Variants in MAD1L1 observed in about 807,000 individuals in gnomAD.
MAD1L1 encodes mitotic spindle assembly checkpoint protein MAD1.
MAD1L1 carries 95 observed loss-of-function variants against 96.9 expected under a neutral mutation model. The ratio of observed to expected loss-of-function variants is 0.98; its 90% confidence interval spans 0.83 to 1.16. The LOEUF is 1.16. Among genes scored for constraint, MAD1L1 ranks in the 50% most tolerant of loss-of-function variants. The probability of loss-of-function intolerance (pLI) is 0.00; values close to 1 mark genes in which losing one functional copy is unlikely to be tolerated. For synonymous variants in MAD1L1, 473 were observed against 396.6 expected (o/e 1.19, Z -2.29); for missense variants, 1,007 against 954.4 (o/e 1.06, Z -0.73).
chr7:2,179,157 C>T (rs1358606526), intron 10 of MAD1L1, among the ~76,000 whole-genome samples: 1 of 152,188 alleles, frequency 6.6e-6, no homozygotes, highest in Non-Finnish European at 1.5e-5. Flanking sequence ...AATCAGGTGG[C>T]TCTCAAGAAG....
rs1790185480 is a variant in MAD1L1 at position 2,162,220 on chromosome 7, A to G, written c.987-12982T>C. 2.6e-5 allele frequency among the ~76,000 whole-genome samples: 4 copies of G among 152,360 alleles called. No homozygotes were observed. In the South Asian group the frequency reaches 8.3e-4, roughly 32 times the overall value. On this transcript the variant is annotated intron_variant, in intron 10 of 18. Coordinates refer to ENST00000265854, the MANE Select transcript of MAD1L1 (RefSeq NM_001013836.2). ...CTGTGTAGAAAGAAGTAGACATGGG[A>G]GACTCCATTTTGTTCTGTACTAAGA...
chr7:1,885,863 A>C (rs1268220984), intron 18 of MAD1L1, among the ~76,000 whole-genome samples: 1 of 152,192 alleles, frequency 6.6e-6, no homozygotes, highest in African/African-American at 2.4e-5. Flanking sequence ...AGGAATGAGG[A>C]AAATGGAGCA....
At chr7:2,022,736 A>C (rs771977982) in intron 12 of MAD1L1, among the ~76,000 whole-genome samples, 5 of 152,336 alleles carry the variant, frequency 3.3e-5, no homozygotes, top group Admixed American at 1.3e-4. Flanking sequence ...TTCGAATGTG[A>C]ATGATCTAAA....
chr7:2,229,946 C>T (rs1794108891), intron 3 of MAD1L1, 38 bp downstream of exon 3: 3 of 1,606,574 alleles, frequency 1.9e-6, no homozygotes, highest in Non-Finnish European at 2.5e-6. Flanking sequence ...CCCAGGGTCT[C>T]CCCAGAGCAG....
chr7:2,229,916 TGGA>T (rs1794106632), intron 3 of MAD1L1, 65 bp downstream of exon 3: 8 of 1,544,262 alleles, frequency 5.2e-6, no homozygotes, highest in Non-Finnish European at 7.0e-6. Flanking sequence ...TACAGAAGAC[TGGA>T]AGAGGTCCTG....
chr7:2,030,038 G>A (rs539281633), intron 12 of MAD1L1, among the ~76,000 whole-genome samples: 208 of 152,284 alleles, frequency 1.4e-3, no homozygotes, highest in African/African-American at 4.4e-3. Context: ...TGTGGACACC[G>A]GGCTCACCAC....
chr7:1,895,329 T>G (rs893074866), intron 18 of MAD1L1, among the ~76,000 whole-genome samples: 1 of 152,100 alleles, frequency 6.6e-6, no homozygotes, highest in Non-Finnish European at 1.5e-5. Context: ...GTACCTGCTT[T>G]ACAGATGAGG....
At chr7:1,855,234 C>T (rs529778779) in intron 18 of MAD1L1, among the ~76,000 whole-genome samples, 3 of 152,236 alleles carry the variant, frequency 2.0e-5, no homozygotes, top group South Asian at 2.1e-4. Context: ...GCCGCAGTGG[C>T]AGACGGGGCC....
intron 14 of MAD1L1, among the ~76,000 whole-genome samples, chr7:1,996,511 G>A (rs1781569641): frequency 6.6e-6 from 1 of 152,244 alleles, no homozygotes; most frequent in African/African-American, 2.4e-5. Context: ...CACGGGACCT[G>A]CCCTGCTCAC....
chr7:2,214,925 T>G (rs956250034), intron 9 of MAD1L1, among the ~76,000 whole-genome samples: 1 of 152,062 alleles, frequency 6.6e-6, no homozygotes, highest in Non-Finnish European at 1.5e-5. Flanking sequence ...CACCACAAAC[T>G]AAGTGGCTTC....
intron 6 of MAD1L1, among the ~76,000 whole-genome samples, chr7:2,218,444 A>G (rs1793410588): frequency 6.6e-6 from 1 of 152,208 alleles, no homozygotes. Context: ...GAACTCTCCT[A>G]AAACCACATC....
At chr7:2,054,286 C>A (rs1784302637) in intron 12 of MAD1L1, among the ~76,000 whole-genome samples, 1 of 152,242 alleles carries the variant, frequency 6.6e-6, no homozygotes, top group African/African-American at 2.4e-5. Flanking sequence ...AAACTCCACG[C>A]ACCTGAGGCA....
intron 14 of MAD1L1, among the ~76,000 whole-genome samples, chr7:2,000,849 A>G (rs753336683): frequency 1.3e-5 from 2 of 152,056 alleles, no homozygotes; most frequent in East Asian, 1.9e-4. Context: ...CTCTGCCCAG[A>G]CCCGCGCGGT....
intron 10 of MAD1L1, chr7:2,200,391 G>A (rs1792227830): frequency 6.6e-6 from 1 of 152,352 alleles, no homozygotes; most frequent in Non-Finnish European, 1.5e-5. Context: ...CACACAGGGG[G>A]TCTAAGGAAG....
intron 3 of MAD1L1, among the ~76,000 whole-genome samples, chr7:2,227,870 C>A (rs1793984731): frequency 6.6e-6 from 1 of 152,200 alleles, no homozygotes; most frequent in Non-Finnish European, 1.5e-5. Context: ...ATCCGTGTGC[C>A]ACCTCTGCCT....
intron 17 of MAD1L1, among the ~76,000 whole-genome samples, chr7:1,934,522 C>G (rs903069300): frequency 1.3e-5 from 2 of 151,546 alleles, no homozygotes; most frequent in Non-Finnish European, 2.9e-5. Flanking sequence ...AGGAAAGGAA[C>G]AGACAGGTGA....
chr7:2,185,988 G>C (rs1791443134), intron 10 of MAD1L1, among the ~76,000 whole-genome samples: 1 of 152,184 alleles, frequency 6.6e-6, no homozygotes. Flanking sequence ...AGGAAGCACT[G>C]TCATCTGAAA....
intron 18 of MAD1L1, among the ~76,000 whole-genome samples, chr7:1,841,764 G>A (rs1205132557): frequency 6.6e-6 from 1 of 152,248 alleles, no homozygotes; most frequent in Admixed American, 6.5e-5. Flanking sequence ...CGTCCTGGCT[G>A]TGAGCTCAGC....
At chr7:1,893,561 C>G (rs530037365) in intron 18 of MAD1L1, among the ~76,000 whole-genome samples, 2 of 152,198 alleles carry the variant, frequency 1.3e-5, no homozygotes, top group South Asian at 4.2e-4. Context: ...GGCCTGTCTC[C>G]CTGCTCTCCC....
Sources: gnomAD v4.1 joint callset for allele counts (sites outside exome capture counted in the v4.1 genomes callset) on GRCh38, gnomAD v4.1.1 for gene constraint, MANE v1.5 for transcripts, NCBI Gene and HGNC (gene_info 2026-07-23, HGNC 2026-07-21) for gene names.